FAM117A: variants seen among roughly 807,000 people sequenced by gnomAD.
FAM117A encodes family with sequence similarity 117 member A.
A neutral mutation model predicts 44.1 loss-of-function variants in FAM117A; 21 were observed. The observed-to-expected ratio is 0.48, with a 90% CI of 0.34 to 0.69. FAM117A has a LOEUF of 0.69. Ranked by LOEUF, FAM117A falls within the 30% of genes least tolerant of loss-of-function variation. The pLI is 0.01. For missense variants in FAM117A, 498 were observed against 589.9 expected, an observed-to-expected ratio of 0.84 and a Z score of 1.61; for synonymous variants, 220 against 238.3, an observed-to-expected ratio of 0.92 and a Z score of 0.71.
chr17:49,727,188 T>C (rs895750023), intron 2 of FAM117A, among the ~76,000 whole-genome samples: 2 of 151,772 alleles, frequency 1.3e-5, no homozygotes, highest in Non-Finnish European at 2.9e-5. Context: ...ATCAGATCAC[T>C]TGAGGTCAGG....
chr17:49,772,477 C>T (rs747342074), intron 1 of FAM117A, among the ~76,000 whole-genome samples: 3 of 151,730 alleles, frequency 2.0e-5, no homozygotes, highest in African/African-American at 4.8e-5. Context: ...GTTGGCCGGG[C>T]GCAGTGACTC....
chr17:49,784,038 G>A (rs568310058), intron 1 of FAM117A, among the ~76,000 whole-genome samples: 1 of 152,344 alleles, frequency 6.6e-6, no homozygotes, highest in Admixed American at 6.5e-5. Context: ...CAGTCAGCAA[G>A]GGAGAAGCTG....
chr17:49,778,779 T>A (rs557811956), intron 1 of FAM117A, among the ~76,000 whole-genome samples: 1 of 152,298 alleles, frequency 6.6e-6, no homozygotes, highest in South Asian at 2.1e-4. Flanking sequence ...ACTGCCCTCA[T>A]GGAACTTACA....
chr17:49,764,503 G>A (rs911877296), upstream of FAM117A, among the ~76,000 whole-genome samples: 4 of 152,206 alleles, frequency 2.6e-5, no homozygotes, highest in African/African-American at 9.7e-5. Flanking sequence ...GCGCGGCGCT[G>A]GGTGTAGGTT....
intron 1 of FAM117A, among the ~76,000 whole-genome samples, chr17:49,743,236 T>A (rs990605248): frequency 6.6e-6 from 1 of 152,162 alleles, no homozygotes; most frequent in East Asian, 1.9e-4. Flanking sequence ...CACACCTGGG[T>A]CTCAGGAACA....
At chr17:49,721,941 A>T (rs1179416756) in intron 3 of FAM117A, among the ~76,000 whole-genome samples, 1 of 151,708 alleles carries the variant, frequency 6.6e-6, no homozygotes. Context: ...AAAAAAAAAA[A>T]TTCAAAAATT....
At chr17:49,728,620 G>A (rs1469084817) in intron 2 of FAM117A, among the ~76,000 whole-genome samples, 6 of 152,124 alleles carry the variant, frequency 3.9e-5, no homozygotes, top group African/African-American at 1.4e-4. Context: ...CATTCCAGCT[G>A]TGATGAGACC....
chr17:49,722,725 C>A, intron 2 of FAM117A, 131 bp from the exon 3 acceptor site: 1 of 676,326 alleles, frequency 1.5e-6, no homozygotes, highest in Non-Finnish European at 2.6e-6. Context: ...CTGAACACTC[C>A]CAGTCGGTGT....
chr17:49,711,599 G>T, intron 7 of FAM117A, 44 bp from the exon 8 acceptor site: 1 of 1,574,418 alleles, frequency 6.4e-7, no homozygotes, highest in South Asian at 1.1e-5. Flanking sequence ...CGTACACACA[G>T]AGAGAAACAG....
intron 1 of FAM117A, among the ~76,000 whole-genome samples, chr17:49,759,953 A>C (rs2073716317): frequency 6.6e-6 from 1 of 152,238 alleles, no homozygotes; most frequent in Non-Finnish European, 1.5e-5. Flanking sequence ...AACAGGAGAT[A>C]AGCCTAAAGT....
intron 1 of FAM117A, among the ~76,000 whole-genome samples, chr17:49,736,188 A>C (rs917443057): frequency 6.6e-6 from 1 of 152,078 alleles, no homozygotes; most frequent in East Asian, 1.9e-4. Flanking sequence ...AAATCAATAT[A>C]TATTGACATA....
At position 49,720,783 on chromosome 17, in the gene FAM117A, G is replaced by A. The variant is rs572302207; in HGVS notation, c.463-347C>T. ...CACCCAGGCTGGAGTGCAATGGTGCGATCTCGGCTCACTGCAACCTCCACC... is the reference window on the plus strand; with the variant it reads ...CACCCAGGCTGGAGTGCAATGGTGCAATCTCGGCTCACTGCAACCTCCACC... On this transcript the variant is annotated intron_variant, in intron 3 of 7. Coordinates refer to ENST00000240364, the MANE Select transcript of FAM117A (RefSeq NM_030802.4). Among the ~76,000 whole-genome samples the A allele has an allele frequency of 7.9e-5, 12 of 151,894 alleles. No homozygotes were observed. In the South Asian group the frequency reaches 1.7e-3, roughly 21 times the overall value.
intron 3 of FAM117A, 52 bp from the exon 4 acceptor site, chr17:49,720,488 C>T (rs528021175): frequency 3.5e-6 from 5 of 1,409,344 alleles, no homozygotes; most frequent in South Asian, 3.4e-5. Flanking sequence ...AGCCAAAGTG[C>T]ACTGGGTCCC....
chr17:49,731,943 G>A (rs994042679), intron 2 of FAM117A, among the ~76,000 whole-genome samples: 42 of 152,012 alleles, frequency 2.8e-4, no homozygotes, highest in African/African-American at 7.7e-4. Flanking sequence ...CCACCACCAC[G>A]CCCAGCTAAT....
chr17:49,714,087 G>A (rs2073490630), intron 7 of FAM117A, among the ~76,000 whole-genome samples: 1 of 152,146 alleles, frequency 6.6e-6, no homozygotes, highest in Non-Finnish European at 1.5e-5. Flanking sequence ...AGGTGACCAA[G>A]GGGAGACCCA....
At chr17:49,732,844 TA>T (rs2143734989) in intron 1 of FAM117A, 124 bp from the exon 2 acceptor site, 2 of 1,054,562 alleles carry the variant, frequency 1.9e-6, no homozygotes, top group Admixed American at 2.3e-5. Context: ...ACCACTGTCC[TA>T]AAAGAATTTG....
At chr17:49,788,789 T>A, upstream of FAM117A, 1 of 1,563,894 alleles carries the variant, frequency 6.4e-7, no homozygotes, top group Non-Finnish European at 8.7e-7. Flanking sequence ...TTCCTGCTGC[T>A]GCCGCCGCTG....
intron 2 of FAM117A, 191 bp downstream of exon 2, chr17:49,732,360 G>A (rs1198784585): frequency 2.0e-5 from 10 of 493,100 alleles, no homozygotes; most frequent in Non-Finnish European, 2.9e-5. Flanking sequence ...AGCCAAGATC[G>A]CACCACTGCA....
chr17:49,746,945 G>A (rs951630910), intron 1 of FAM117A, among the ~76,000 whole-genome samples: 1 of 152,132 alleles, frequency 6.6e-6, no homozygotes, highest in African/African-American at 2.4e-5. Context: ...AACAGCCCCA[G>A]GAAGAGATCA....
Sources: gnomAD v4.1 joint callset for allele counts (sites outside exome capture counted in the v4.1 genomes callset) on GRCh38, gnomAD v4.1.1 for gene constraint, MANE v1.5 for transcripts, NCBI Gene and HGNC (gene_info 2026-07-23, HGNC 2026-07-21) for gene names.